The following RGS6 variants were observed in gnomAD, a reference collection of about 807,000 sequenced individuals.
RGS6 encodes regulator of G protein signaling 6.
Under a neutral mutation model 78.5 loss-of-function variants are expected in RGS6, and 30 were observed. The observed-to-expected ratio is 0.38, with a 90% CI of 0.29 to 0.52. The LOEUF (loss-of-function observed/expected upper bound fraction) is 0.52, where lower values mean the gene tolerates loss of function less well. RGS6 is among the 20% of genes least tolerant of loss of function. The pLI is 0.85. For missense variants in RGS6, 495 were observed against 609.7 expected (o/e 0.81, Z 1.98); for synonymous variants, 206 against 206.0 (o/e 1.00, Z 0.00).
chr14:72,428,321 T>C (rs1234021897), intron 3 of RGS6, among the ~76,000 whole-genome samples: 3 of 152,010 alleles, frequency 2.0e-5, no homozygotes, highest in Admixed American at 6.6e-5. Context: ...TATGTATTAG[T>C]TGGATCAGAG....
intron 3 of RGS6, among the ~76,000 whole-genome samples, chr14:72,413,662 T>G (rs1320496504): frequency 6.6e-6 from 1 of 152,208 alleles, no homozygotes; most frequent in Non-Finnish European, 1.5e-5. Flanking sequence ...TTCCTAGCCT[T>G]GATGGTCTTT....
At chr14:72,478,702 A>G (rs965041608) in intron 12 of RGS6, among the ~76,000 whole-genome samples, 6 of 152,238 alleles carry the variant, frequency 3.9e-5, no homozygotes, top group Admixed American at 3.3e-4. Flanking sequence ...AAAAGAAATT[A>G]TGTGTGTCCT....
At chr14:72,340,955 A>G (rs2079505) in intron 2 of RGS6, among the ~76,000 whole-genome samples, 70,671 of 151,948 alleles carry the variant, frequency 0.47, 16,765 homozygotes, top group South Asian at 0.6. Context: ...TCCTAAGTAG[A>G]GGTATGTGGC....
intron 2 of RGS6, among the ~76,000 whole-genome samples, chr14:72,298,913 A>C (rs1338471380): frequency 6.6e-6 from 1 of 152,116 alleles, no homozygotes; most frequent in African/African-American, 2.4e-5. Context: ...AGGTTGGGAG[A>C]GTTCTTTGTG....
intron 2 of RGS6, among the ~76,000 whole-genome samples, chr14:72,260,344 A>G (rs995510191): frequency 2.6e-5 from 4 of 152,352 alleles, no homozygotes; most frequent in Non-Finnish European, 2.9e-5. Context: ...GGCTTTCCCA[A>G]TTATCAGAAG....
chr14:71,945,543 CAGAT>C (rs1294035310), intron 1 of RGS6, among the ~76,000 whole-genome samples: 1 of 152,176 alleles, frequency 6.6e-6, no homozygotes, highest in Non-Finnish European at 1.5e-5. Flanking sequence ...GTACATTACA[CAGAT>C]AGAAAGTTTT....
At chr14:72,427,937 C>A (rs920075606) in intron 3 of RGS6, among the ~76,000 whole-genome samples, 6 of 151,790 alleles carry the variant, frequency 4.0e-5, no homozygotes, top group African/African-American at 1.5e-4. Flanking sequence ...CATCAAAAAG[C>A]AAGAAAGATG....
At chr14:72,472,190 GA>G (rs2096099136) in intron 8 of RGS6, among the ~76,000 whole-genome samples, 2 of 145,196 alleles carry the variant, frequency 1.4e-5, no homozygotes, top group Admixed American at 1.4e-4. Context: ...AAAAAAGAAA[GA>G]AAAAGAAAAA....
At chr14:72,159,925 G>A (rs2096829180) in intron 2 of RGS6, among the ~76,000 whole-genome samples, 1 of 152,180 alleles carries the variant, frequency 6.6e-6, no homozygotes, top group Non-Finnish European at 1.5e-5. Flanking sequence ...AGGTTGACCA[G>A]TTTTTATAAT....
chr14:71,901,841 T>C, the RGS6 span, among the ~76,000 whole-genome samples: 1 of 152,234 alleles, frequency 6.6e-6, no homozygotes, highest in Non-Finnish European at 1.5e-5. Context: ...TCTTGATTAA[T>C]TCCAATTTCC....
intron 2 of RGS6, among the ~76,000 whole-genome samples, chr14:71,974,759 G>C (rs2094015042): frequency 6.6e-6 from 1 of 152,092 alleles, no homozygotes; most frequent in Admixed American, 6.5e-5. Flanking sequence ...ATTATTTTCT[G>C]CATCTCTGTG....
the RGS6 span, among the ~76,000 whole-genome samples, chr14:72,592,285 G>A: frequency 6.6e-6 from 1 of 152,316 alleles, no homozygotes; most frequent in South Asian, 2.1e-4. Context: ...TTTTCTGATG[G>A]TCCAGCCAAA....
Position 72,410,681 on chromosome 14 carries a change from G to A in RGS6, c.185-43847G>A, listed in dbSNP as rs559721364. ...TGAATGGTATTGCCTAGGTTTTCTT[G>A]TAGGGTTTTTATGGTTTTAGGTCTA... On this transcript the variant is annotated intron_variant, in intron 3 of 17. Transcript: ENST00000553525. Among the ~76,000 whole-genome samples the A allele has an allele frequency of 1.5e-4, 23 of 152,192 alleles. No individual in the cohort carries two copies. The East Asian group carries it at 4.4e-3, about 29-fold the overall frequency.
At chr14:72,523,201 A>C (rs2097072660) in intron 15 of RGS6, among the ~76,000 whole-genome samples, 1 of 151,802 alleles carries the variant, frequency 6.6e-6, no homozygotes, top group Non-Finnish European at 1.5e-5. Context: ...CTCAGACCAC[A>C]CTGTCCCTGG....
intron 17 of RGS6, chr14:72,540,865 T>G (rs949585438): frequency 2.6e-5 from 26 of 985,140 alleles, no homozygotes; most frequent in Admixed American, 2.5e-4. Flanking sequence ...GAGGTAGAGC[T>G]CCCCACAGTG....
chr14:72,478,398 G>A (rs2096289208), intron 12 of RGS6, 69 bp downstream of exon 12: 1 of 1,158,958 alleles, frequency 8.6e-7, no homozygotes, highest in African/African-American at 1.5e-5. Flanking sequence ...ACAGGGTTAT[G>A]GTTAACGAAT....
chr14:72,002,899 C>T (rs1013228372), intron 2 of RGS6, among the ~76,000 whole-genome samples: 10 of 152,202 alleles, frequency 6.6e-5, no homozygotes, highest in Non-Finnish European at 1.5e-4. Flanking sequence ...AACACTCGTA[C>T]TACTGCAAAA....
At chr14:72,089,182 A>G (rs2095173469) in intron 2 of RGS6, among the ~76,000 whole-genome samples, 1 of 152,266 alleles carries the variant, frequency 6.6e-6, no homozygotes, top group Middle Eastern at 3.2e-3. Context: ...AGTGACTGGC[A>G]CATGGAAAGC....
chr14:72,528,055 G>A (rs1167972401), intron 15 of RGS6, among the ~76,000 whole-genome samples: 2 of 152,204 alleles, frequency 1.3e-5, no homozygotes, highest in Non-Finnish European at 2.9e-5. Flanking sequence ...CAGCACAGGG[G>A]AGGACATAAG....
Sources: allele counts gnomAD v4.1 joint callset (sites outside exome capture counted in the v4.1 genomes callset), GRCh38; gene constraint gnomAD v4.1.1; transcripts MANE v1.5; gene names NCBI Gene and HGNC (gene_info 2026-07-23, HGNC 2026-07-21).